SOX6: variants seen among roughly 807,000 people sequenced by gnomAD.
SOX6 encodes transcription factor SOX-6.
Under a neutral mutation model 97.8 loss-of-function variants are expected in SOX6, and 11 were observed. That is an observed-to-expected ratio of 0.11 (90% confidence interval 0.07 to 0.19). The LOEUF (loss-of-function observed/expected upper bound fraction) is 0.19. SOX6 is among the 10% of genes least tolerant of loss of function. The probability of loss-of-function intolerance (pLI) is 1.00; values close to 1 mark genes in which losing one functional copy is unlikely to be tolerated. For missense variants in SOX6, 810 were observed against 1,039.5 expected (o/e 0.78, Z 3.04); for synonymous variants, 360 against 371.4 (o/e 0.97, Z 0.35).
chr11:16,652,598 A>C (rs1847669083), intron 3 of SOX6, among the ~76,000 whole-genome samples: 1 of 152,194 alleles, frequency 6.6e-6, no homozygotes, highest in Non-Finnish European at 1.5e-5. Context: ...CACTCACCTT[A>C]TACAAAAATC....
rs2134368125 is a variant in SOX6 at position 16,356,412 on chromosome 11, T to A, written c.-323A>T. 6.6e-6 allele frequency among the ~76,000 whole-genome samples: 1 copy of A among 152,192 alleles called. No homozygotes were observed. Among genetic ancestry groups the A allele is most frequent in the East Asian group, 1.9e-4 (1 of 5,186 alleles). On this transcript the variant is annotated 5_prime_UTR_variant, in exon 1 of 16. Coordinates refer to ENST00000683767, the MANE Select transcript of SOX6 (RefSeq NM_001367873.1). ...TCTCTTGGCCTGTTGGGAGATACAG[T>A]ACCCCACATACCTTCTGCCACTGCT...
intron 1 of SOX6, among the ~76,000 whole-genome samples, chr11:16,376,770 A>T (rs2134402584): frequency 6.6e-6 from 1 of 152,216 alleles, no homozygotes; most frequent in East Asian, 1.9e-4. Flanking sequence ...GCAACTGTTA[A>T]AAATGGGGAA....
chr11:16,075,169 TG>T (rs926608988), intron 9 of SOX6, among the ~76,000 whole-genome samples: 53 of 152,316 alleles, frequency 3.5e-4, no homozygotes, highest in African/African-American at 1.3e-3. Flanking sequence ...CTAGAATAAC[TG>T]GCTATCTGTA....
chr11:16,316,829 A>G (rs297361), intron 3 of SOX6: 92,833 of 151,770 alleles, frequency 0.61, 28,873 homozygotes, highest in East Asian at 0.72. Flanking sequence ...ACATAGCCAA[A>G]AATGTGGACA....
intron 6 of SOX6, among the ~76,000 whole-genome samples, chr11:16,135,775 A>G (rs143619997): frequency 6.6e-6 from 1 of 152,252 alleles, no homozygotes; most frequent in Non-Finnish European, 1.5e-5. Flanking sequence ...AACTTAGTTG[A>G]TAAAGCATGT....
intron 2 of SOX6, among the ~76,000 whole-genome samples, chr11:16,726,990 C>T (rs1564878721): frequency 6.6e-6 from 1 of 152,110 alleles, no homozygotes; most frequent in East Asian, 1.9e-4. Context: ...ATTTGTGACC[C>T]TGACTTTTTT....
intron 4 of SOX6, chr11:16,484,340 T>C: frequency 1.2e-6 from 1 of 856,898 alleles, no homozygotes. Flanking sequence ...AGTTGGCCAG[T>C]GAATAAGGTA....
chr11:16,713,544 A>G (rs1478379213), intron 3 of SOX6, among the ~76,000 whole-genome samples: 1 of 152,204 alleles, frequency 6.6e-6, no homozygotes, highest in South Asian at 2.1e-4. Flanking sequence ...GTTCCTAAAA[A>G]TTTAAGTTTT....
At chr11:16,442,936 C>G (rs930504122) in intron 1 of SOX6, among the ~76,000 whole-genome samples, 3 of 152,156 alleles carry the variant, frequency 2.0e-5, no homozygotes, top group African/African-American at 7.2e-5. Flanking sequence ...AGGAAATAAT[C>G]AAGTGCACCA....
chr11:16,166,503 C>A (rs543408938), intron 6 of SOX6, among the ~76,000 whole-genome samples: 11 of 152,208 alleles, frequency 7.2e-5, no homozygotes, highest in Admixed American at 7.2e-4. Flanking sequence ...ACAACATCTC[C>A]CATGTGCAAA....
chr11:16,583,146 T>C (rs954347709), intron 4 of SOX6, among the ~76,000 whole-genome samples: 27 of 151,904 alleles, frequency 1.8e-4, no homozygotes, highest in Non-Finnish European at 3.2e-4. Flanking sequence ...AAAATAAAGC[T>C]TTTGCATTAT....
intron 4 of SOX6, among the ~76,000 whole-genome samples, chr11:16,214,591 GTTGA>G (rs1475707982): frequency 1.3e-5 from 2 of 151,990 alleles, no homozygotes; most frequent in Admixed American, 6.6e-5. Context: ...TACTGTCAGT[GTTGA>G]TTGTCTAAAC....
upstream of SOX6, among the ~76,000 whole-genome samples, chr11:16,358,381 A>G (rs1857124420): frequency 6.6e-6 from 1 of 152,150 alleles, no homozygotes; most frequent in East Asian, 1.9e-4. Flanking sequence ...AAAATTCTCA[A>G]TTTTATTATG....
chr11:16,054,995 C>A (rs1188036891), intron 10 of SOX6, among the ~76,000 whole-genome samples: 1 of 152,242 alleles, frequency 6.6e-6, no homozygotes, highest in African/African-American at 2.4e-5. Context: ...CTATTAATGT[C>A]CCAGACATAA....
chr11:16,690,605 G>A (rs1021694743), intron 3 of SOX6, among the ~76,000 whole-genome samples: 2 of 152,180 alleles, frequency 1.3e-5, no homozygotes, highest in African/African-American at 2.4e-5. Context: ...TTTGAAAATT[G>A]TACTTTTTTA....
At position 16,668,962 on chromosome 11, in the gene SOX6, C is replaced by T. The variant is rs368332581; in HGVS notation, n.429+45868G>A. 7.2e-5 allele frequency among the ~76,000 whole-genome samples: 11 copies of T among 152,326 alleles called. No individual in the cohort carries two copies. The East Asian group carries it at 1.7e-3, about 24-fold the overall frequency. ...ATTAGCTGGAGACTTTAACACCATG[C>T]TTTCAGCACTGAACAAATTATTCAG... On this transcript the variant is annotated intron_variant and non_coding_transcript_variant, in intron 3 of 5. Coordinates refer to the SOX6 transcript ENST00000524520.
chr11:16,157,831 T>G (rs530850995), intron 6 of SOX6, among the ~76,000 whole-genome samples: 1 of 152,116 alleles, frequency 6.6e-6, no homozygotes, highest in East Asian at 1.9e-4. Flanking sequence ...TCTCTCTGCC[T>G]GGACACCTTC....
At chr11:16,594,140 T>C (rs1848183897) in intron 4 of SOX6, among the ~76,000 whole-genome samples, 1 of 152,206 alleles carries the variant, frequency 6.6e-6, no homozygotes, top group South Asian at 2.1e-4. Context: ...TTCCCTGTCA[T>C]GCCCTACATA....
At chr11:16,517,770 A>G (rs4547057) in intron 4 of SOX6, among the ~76,000 whole-genome samples, 147,299 of 152,290 alleles carry the variant, frequency 0.97, 71,431 homozygotes, top group East Asian at 1. Flanking sequence ...TGAATAACTG[A>G]TTGCCCAATC....
Sources: allele counts gnomAD v4.1 joint callset (sites outside exome capture counted in the v4.1 genomes callset), GRCh38; gene constraint gnomAD v4.1.1; transcripts MANE v1.5; gene names NCBI Gene and HGNC (gene_info 2026-07-23, HGNC 2026-07-21).